Variants in TRIM49B observed in about 807,000 individuals in gnomAD.
The protein encoded by TRIM49B is putative tripartite motif-containing protein 49B.
TRIM49B carries 18 observed loss-of-function variants against 31.8 expected under a neutral mutation model. The ratio of observed to expected loss-of-function variants is 0.57; its 90% confidence interval spans 0.39 to 0.84. The LOEUF is 0.84. Ranked by LOEUF, TRIM49B falls within the 40% of genes least tolerant of loss-of-function variation. The pLI is 0.00. For missense variants in TRIM49B, 494 were observed against 538.7 expected (o/e 0.92, Z 0.82); for synonymous variants, 196 against 180.6 (o/e 1.09, Z -0.68).
rs1854447931 is a variant in TRIM49B at position 49,031,642 on chromosome 11, T to C, written c.43T>C (p.Cys15Arg). 1 of 1,613,878 alleles carries C rather than the reference T, an allele frequency of 6.2e-7. No individual in the cohort carries two copies. Among genetic ancestry groups the C allele is most frequent in the African/African-American group, 1.3e-5 (1 of 74,930 alleles). ...ILQVFQRELICPICMNYFIDP... is the reference protein window; with the variant it reads ...ILQVFQRELIRPICMNYFIDP... ...ACAGGTCTTTCAGAGGGAACTCATC[T>C]GCCCCATCTGCATGAACTACTTCAT... The change falls in exon 2 of 7, where the codon TGC (cysteine) becomes CGC (arginine). Residue 15 changes from cysteine to arginine, a missense_variant. By Grantham distance (180) the Cys-to-Arg change is radical. Around this residue, in one of 3 missense-constraint regions of TRIM49B, gnomAD observed 251 missense variants for 232.8 expected, o/e 1.08. Coordinates refer to ENST00000332682, the MANE Select transcript of TRIM49B (RefSeq NM_001206626.2).
At chr11:49,034,995 A>C in intron 4 of TRIM49B, 100 bp from the exon 5 acceptor site, 1 of 1,564,448 alleles carries the variant, frequency 6.4e-7, no homozygotes. Flanking sequence ...ATGGTAGGGG[A>C]ATAATATCTT....
At chr11:49,033,538 G>GAATAGCATATGCAGTAAT (rs1854481197) in intron 3 of TRIM49B, among the ~76,000 whole-genome samples, 1 of 152,100 alleles carries the variant, frequency 6.6e-6, no homozygotes, top group South Asian at 2.1e-4. Flanking sequence ...TAGTTGGAGA[G>GAATAGCATATGCAGTAAT]AATAGCATAT....
rs752451139 is a variant in TRIM49B, at chr11:49,034,347, T to C, written c.709T>C (p.Cys237Arg). 27 of 1,611,864 alleles carry C rather than the reference T, an allele frequency of 1.7e-5. No individual in the cohort carries two copies. The highest frequency in any genetic ancestry group is 2.2e-5 in the Non-Finnish European group (26 of 1,179,842). The change falls in exon 4 of 7, where the codon TGC becomes CGC. Residue 237 changes from cysteine (C) to arginine (R), a missense_variant. Transcript: ENST00000332682. ...AATGTATGAGGAGCTGAACGAAATG[T>C]GCCATAAACCAGATGTGGAGCTACT... Reference protein sequence around the residue: ...RGMYEELNEMCHKPDVELLQA... With the variant: ...RGMYEELNEMRHKPDVELLQA...
rs1353781441 is a variant in TRIM49B at position 49,031,678 on chromosome 11, A to G, written c.79A>G (p.Thr27Ala). Residue 27 changes from threonine (T) to alanine (A), a missense_variant, in exon 2 of 7, where the codon ACC becomes GCC. Thr to Ala is a moderately conservative substitution (Grantham distance 58). Coordinates refer to ENST00000332682, the MANE Select transcript of TRIM49B (RefSeq NM_001206626.2). Reference protein sequence around the residue: ...ICMNYFIDPVTIDCGHSFCRP... With the variant: ...ICMNYFIDPVAIDCGHSFCRP... Reference sequence around the variant, plus strand: ...CATGAACTACTTCATAGACCCGGTCACCATAGACTGTGGGCACAGCTTTTG... The same window carrying G: ...CATGAACTACTTCATAGACCCGGTCGCCATAGACTGTGGGCACAGCTTTTG... The G allele has an allele frequency of 1.9e-6, 3 of 1,613,862 alleles. No homozygotes were observed. The African/African-American group carries it at 4.0e-5, about 22-fold the overall frequency.
At chr11:49,030,181 A>G (rs1304640412) in intron 1 of TRIM49B, among the ~76,000 whole-genome samples, 2 of 152,114 alleles carry the variant, frequency 1.3e-5, no homozygotes, top group Non-Finnish European at 1.5e-5. Flanking sequence ...TAAAAAAAAT[A>G]CAAAAATTAG....
In TRIM49B at chr11:49,033,986, T is replaced by G. The variant is rs530995362; in HGVS notation, c.508-160T>G. 1.1e-4 allele frequency among the ~76,000 whole-genome samples: 16 copies of G among 152,296 alleles called. No homozygotes were observed. The South Asian group carries it at 1.7e-3, about 16-fold the overall frequency. On this transcript the variant is annotated intron_variant, in intron 3 of 6. Coordinates refer to ENST00000332682, the MANE Select transcript of TRIM49B (RefSeq NM_001206626.2). ...TTGGTCAGATACAGCTATGTTGATC[T>G]TTACGCAGAAAAAAGGAAAGGAACA... is the stretch of plus-strand genomic sequence containing the variant.
At chr11:49,034,766 G>T (rs1854498813) in intron 4 of TRIM49B, among the ~76,000 whole-genome samples, 1 of 152,062 alleles carries the variant, frequency 6.6e-6, no homozygotes, top group Non-Finnish European at 1.5e-5. Context: ...CGTTATTTTG[G>T]GGTCCACTCA....
chr11:49,033,151 C>T lies in TRIM49B; in HGVS notation c.507+780C>T, dbSNP rs1269601607. On this transcript the variant is annotated intron_variant, in intron 3 of 6. Coordinates refer to ENST00000332682, the MANE Select transcript of TRIM49B (RefSeq NM_001206626.2). ...ATACTAGTAAAGAAGAAAGGAAGCACCTTTGTCCTCACAAATCATACAATC... is the reference window on the plus strand; with the variant it reads ...ATACTAGTAAAGAAGAAAGGAAGCATCTTTGTCCTCACAAATCATACAATC... Among the ~76,000 whole-genome samples, 6 of 152,090 alleles carry T rather than the reference C, an allele frequency of 3.9e-5. No homozygotes were observed. The South Asian group carries it at 1.2e-3, about 32-fold the overall frequency.
intron 1 of TRIM49B, among the ~76,000 whole-genome samples, chr11:49,029,898 C>G (rs4929882): frequency 0.81 from 122,792 of 152,126 alleles, 49,884 homozygotes; most frequent in African/African-American, 0.83. Context: ...CATTGTGTTA[C>G]AGTTGCCTAC....
At chr11:49,031,092 G>A (rs1044548775) in intron 1 of TRIM49B, among the ~76,000 whole-genome samples, 7 of 151,656 alleles carry the variant, frequency 4.6e-5, no homozygotes, top group African/African-American at 1.7e-4. Flanking sequence ...GGCTTGTTAT[G>A]TAGGTAAACT....
Position 49,035,385 on chromosome 11 carries a change from T to A in TRIM49B, c.761+268T>A, listed in dbSNP as rs187993558. Among the ~76,000 whole-genome samples the A allele has an allele frequency of 2.5e-5, 3 of 120,210 alleles. No individual in the cohort carries two copies. In the Admixed American group the frequency reaches 3.3e-4, roughly 13 times the overall value. 78.9% of individuals were successfully genotyped at this position (120,210 alleles called of 152,430 possible). A position where few individuals can be genotyped will look rare whatever the true frequency, so the allele number is the denominator to read the frequency against. ...TTTTTTTTTTTTTTTTTTGAGACGGTGTCTGGCTCTGTCGCCCAGGCTGGA... is the reference window on the plus strand; with the variant it reads ...TTTTTTTTTTTTTTTTTTGAGACGGAGTCTGGCTCTGTCGCCCAGGCTGGA... On this transcript the variant is annotated intron_variant, in intron 5 of 6. Transcript: ENST00000332682.
At chr11:49,031,139 C>T (rs780344687) in intron 1 of TRIM49B, among the ~76,000 whole-genome samples, 4 of 151,974 alleles carry the variant, frequency 2.6e-5, no homozygotes, top group Non-Finnish European at 5.9e-5. Context: ...TTTTGTGACC[C>T]TCTATAAAAA....
chr11:49,038,148 C>T lies in TRIM49B; in HGVS notation c.*171C>T. ...GTGTTACTATTAAATATGCTGAAAA[C>T]ACTAAAAGTATATGTATTGGTTCTT... On this transcript the variant is annotated 3_prime_UTR_variant, in exon 7 of 7. Transcript: ENST00000332682. 7.1e-7 allele frequency: 1 copy of T among 1,406,508 alleles called. No homozygotes were observed. Among genetic ancestry groups the T allele is most frequent in the Non-Finnish European group, 9.5e-7 (1 of 1,051,026 alleles). The allele number at this position is 1,406,508 out of a possible 1,614,324, so 87.1% of individuals were successfully genotyped here. A position where few individuals can be genotyped will look rare whatever the true frequency, so the allele number is the denominator to read the frequency against.
In TRIM49B at chr11:49,032,281, G is replaced by A. The variant is rs766995130; in HGVS notation, c.417G>A (p.Lys139=). The change falls in exon 3 of 7, where the codon AAG becomes AAA. Residue 139 remains lysine, a synonymous_variant. Transcript: ENST00000332682. The part of the protein sequence containing the change: ...IESAAEEHQE[K]LLQKMQSLWE... ...AATTTATGGCTCTTTTGCAGGAGAAGCTTTTACAGAAAATGCAGTCTTTGT... is the reference window on the plus strand; with the variant it reads ...AATTTATGGCTCTTTTGCAGGAGAAACTTTTACAGAAAATGCAGTCTTTGT... 11 of 1,612,604 alleles carry A rather than the reference G, an allele frequency of 6.8e-6. No homozygotes were observed. In the Admixed American group the frequency reaches 1.5e-4, roughly 22 times the overall value.
chr11:49,033,095 C>T (rs1394837933), intron 3 of TRIM49B, among the ~76,000 whole-genome samples: 5 of 152,026 alleles, frequency 3.3e-5, no homozygotes, highest in Non-Finnish European at 7.4e-5. Flanking sequence ...TCATGAGAAC[C>T]TAGTCTACGT....
intron 6 of TRIM49B, among the ~76,000 whole-genome samples, chr11:49,037,262 A>C: frequency 7.3e-6 from 1 of 137,766 alleles, no homozygotes; most frequent in South Asian, 2.3e-4. Context: ...AGTTGGTCTC[A>C]CATTTGGCTC....
At chr11:49,031,575 A>G in intron 1 of TRIM49B, 21 bp from the exon 2 acceptor site, 2 of 1,611,448 alleles carry the variant, frequency 1.2e-6, no homozygotes, top group Non-Finnish European at 1.7e-6. Flanking sequence ...CCAAAATGAC[A>G]TGTTTCTCTT....
intron 6 of TRIM49B, among the ~76,000 whole-genome samples, chr11:49,037,261 C>T (rs1383852472): frequency 1.4e-5 from 2 of 140,848 alleles, no homozygotes; most frequent in Non-Finnish European, 3.1e-5. Context: ...AAGTTGGTCT[C>T]ACATTTGGCT....
Position 49,038,056 on chromosome 11 carries a change from A to G in TRIM49B, c.*79A>G. ...GAAGTCCTCTTCCTTGTGCCTTAACATACAGGACAAATAGGCTCTATTTTA... is the reference window on the plus strand; with the variant it reads ...GAAGTCCTCTTCCTTGTGCCTTAACGTACAGGACAAATAGGCTCTATTTTA... On this transcript the variant is annotated 3_prime_UTR_variant, in exon 7 of 7. Transcript: ENST00000332682. 1 of 1,565,922 alleles carries G rather than the reference A, an allele frequency of 6.4e-7. No homozygotes were observed. Among genetic ancestry groups the G allele is most frequent in the South Asian group, 1.2e-5 (1 of 82,802 alleles).
Sources: gnomAD v4.1 joint callset for allele counts (sites outside exome capture counted in the v4.1 genomes callset) on GRCh38, gnomAD v4.1.1 for gene constraint, gnomAD v4.1.1 regional missense constraint, MANE v1.5 for transcripts, NCBI Gene and HGNC (gene_info 2026-07-23, HGNC 2026-07-21) for gene names.